UVSSA: variants seen among roughly 807,000 people sequenced by gnomAD.
UVSSA encodes the protein UV stimulated scaffold protein A.
A neutral mutation model predicts 73.9 loss-of-function variants in UVSSA; 72 were observed. That is an observed-to-expected ratio of 0.97 (90% CI 0.81 to 1.19). The LOEUF (loss-of-function observed/expected upper bound fraction) is 1.19, where lower values mean the gene tolerates loss of function less well. Among genes scored for constraint, UVSSA ranks in the 50% most tolerant of loss-of-function variants. UVSSA has a pLI of 0.00. For synonymous variants in UVSSA, 454 were observed against 391.3 expected, an observed-to-expected ratio of 1.16 and a Z score of -1.89; for missense variants, 1,150 against 965.0, an observed-to-expected ratio of 1.19 and a Z score of -2.54.
rs777483270 is a variant in UVSSA, at chr4:1,353,045, T to C, written c.566T>C (p.Ile189Thr). 4 of 1,610,288 alleles carry C rather than the reference T, an allele frequency of 2.5e-6. No individual in the cohort carries two copies. In the Admixed American group the frequency reaches 5.0e-5, roughly 20 times the overall value. Reference sequence around the variant, plus strand: ...CTTCCGGCAGAAATGTCTGGAGAAATTGAATCCTGCTTGACGGAGGTAGAG... The same window carrying C: ...CTTCCGGCAGAAATGTCTGGAGAAACTGAATCCTGCTTGACGGAGGTAGAG... ...EREMQEMSGE[I>T]ESCLTEVESC... The change falls in exon 5 of 14, where the codon ATT becomes ACT. Residue 189 changes from isoleucine to threonine, a missense_variant. Physicochemically the swap from Ile to Thr is moderately conservative, Grantham distance 89. Coordinates refer to ENST00000389851, the MANE Select transcript of UVSSA (RefSeq NM_020894.4).
At chr4:1,360,758 T>C (rs1716511467) in intron 7 of UVSSA, among the ~76,000 whole-genome samples, 1 of 152,216 alleles carries the variant, frequency 6.6e-6, no homozygotes, top group African/African-American at 2.4e-5. Context: ...CAGAGTTAGC[T>C]TTCTCCGCAG....
chr4:1,357,529 G>T (rs997544675), intron 7 of UVSSA, among the ~76,000 whole-genome samples: 1 of 152,248 alleles, frequency 6.6e-6, no homozygotes, highest in African/African-American at 2.4e-5. Context: ...CGGCCTGCTT[G>T]GGTGAGGATG....
intron 7 of UVSSA, among the ~76,000 whole-genome samples, chr4:1,363,795 G>A (rs1195819790): frequency 5.9e-5 from 9 of 152,264 alleles, no homozygotes. Flanking sequence ...TCACAGGTCA[G>A]CGGTGGAGAC....
chr4:1,367,457 A>T (rs1458456543), intron 8 of UVSSA, among the ~76,000 whole-genome samples: 1 of 152,208 alleles, frequency 6.6e-6, no homozygotes, highest in Non-Finnish European at 1.5e-5. Context: ...TCATGTGTGA[A>T]GATATGACCC....
chr4:1,348,329 C>G, intron 2 of UVSSA, 140 bp downstream of exon 2: 1 of 673,858 alleles, frequency 1.5e-6, no homozygotes, highest in Non-Finnish European at 2.6e-6. Context: ...CCCTGCAGTA[C>G]CCGGCTCTGA....
chr4:1,383,606 C>T (rs764760412), intron 12 of UVSSA, among the ~76,000 whole-genome samples, 160 bp from the exon 13 acceptor site: 52 of 152,350 alleles, frequency 3.4e-4, no homozygotes, highest in Non-Finnish European at 6.6e-4. Flanking sequence ...ACCCTAACCG[C>T]TGAGCATCCT....
chr4:1,363,473 G>T (rs975909513), intron 7 of UVSSA, among the ~76,000 whole-genome samples: 1 of 152,100 alleles, frequency 6.6e-6, no homozygotes, highest in African/African-American at 2.4e-5. Flanking sequence ...AATATTTTTT[G>T]AAAACGACGC....
intron 5 of UVSSA, among the ~76,000 whole-genome samples, chr4:1,354,284 G>A (rs1327984636): frequency 2.0e-5 from 3 of 151,736 alleles, no homozygotes; most frequent in Non-Finnish European, 4.4e-5. Context: ...CACAGCGGGG[G>A]AAGCCACGGC....
rs777636419 is a variant in UVSSA at position 1,385,850 on chromosome 4, TGCCTTGTTTCCCC to T, written c.2037-17_2037-5del. On this transcript the variant is annotated splice_region_variant and splice_polypyrimidine_tract_variant and intron_variant, in intron 13 of 13. Transcript: ENST00000389851. ...GGCGGAAGCCTCCCAGGTCACATCT[TGCCTTGTTTCCCC>T]ACAGGGCAGCTGTGCGGAGGGTAGT... 11 of 1,613,782 alleles carry T rather than the reference TGCCTTGTTTCCCC, an allele frequency of 6.8e-6. No homozygotes were observed. The highest frequency in any genetic ancestry group is 9.3e-6 in the Non-Finnish European group (11 of 1,179,932).
chr4:1,369,740 C>T (rs1403205508), intron 8 of UVSSA, among the ~76,000 whole-genome samples: 1 of 152,270 alleles, frequency 6.6e-6, no homozygotes, highest in African/African-American at 2.4e-5. Flanking sequence ...GATTCCCTCC[C>T]TCACTGTCTG....
chr4:1,376,394 G>A (rs1371446128), intron 10 of UVSSA, among the ~76,000 whole-genome samples: 6 of 152,324 alleles, frequency 3.9e-5, no homozygotes, highest in East Asian at 1.9e-4. Flanking sequence ...CTGCTGTGTC[G>A]GGGGCCATCC....
At chr4:1,362,361 G>A (rs565989248) in intron 7 of UVSSA, among the ~76,000 whole-genome samples, 1 of 152,186 alleles carries the variant, frequency 6.6e-6, no homozygotes, top group Non-Finnish European at 1.5e-5. Flanking sequence ...CCAATGCCCC[G>A]CAGGGGACTT....
Position 1,347,237 on chromosome 4 carries a change from G to C in UVSSA, c.-526G>C, listed in dbSNP as rs1159050109. On this transcript the variant is annotated 5_prime_UTR_variant, in exon 1 of 14. Coordinates refer to ENST00000389851, the MANE Select transcript of UVSSA (RefSeq NM_020894.4). ...CGAGCGGCCGCGTCAGCGGTAGGTG[G>C]GGCTGTGGTTACGCTGCCGGGCGGG... 6.6e-6 allele frequency: 1 copy of C among 152,334 alleles called. No individual in the cohort carries two copies. Among genetic ancestry groups the C allele is most frequent in the African/African-American group, 2.4e-5 (1 of 41,468 alleles). 9.4% of individuals were successfully genotyped at this position (152,334 alleles called of 1,614,324 possible). A position where few individuals can be genotyped will look rare whatever the true frequency, so the allele number is the denominator to read the frequency against.
At chr4:1,375,601 G>C in intron 9 of UVSSA, 93 bp downstream of exon 9, 1 of 1,514,972 alleles carries the variant, frequency 6.6e-7, no homozygotes, top group Non-Finnish European at 8.8e-7. Flanking sequence ...GCTGCTTAGT[G>C]CCTTTTCTGG....
upstream of UVSSA, among the ~76,000 whole-genome samples, chr4:1,346,654 T>G (rs1340746778): frequency 6.6e-6 from 1 of 151,944 alleles, no homozygotes; most frequent in African/African-American, 2.4e-5. Context: ...CAGGGCGCCC[T>G]GCGCGGGGCG....
Position 1,355,179 on chromosome 4 carries a change from A to G in UVSSA, c.1110A>G (p.Glu370=). Residue 370 remains glutamate, a synonymous_variant, in exon 7 of 14, where the codon GAA becomes GAG. Coordinates refer to ENST00000389851, the MANE Select transcript of UVSSA (RefSeq NM_020894.4). The stretch of plus-strand genomic sequence containing the variant: ...AGCGTGCCATTGACCTGAAGGCTGA[A>G]TTGGAGCTCGTACTGAGAAAATACA... ...CLKRAIDLKA[E]LELVLRKYKE... is the part of the protein sequence containing the mutation. 1.2e-6 allele frequency: 2 copies of G among 1,613,806 alleles called. No homozygotes were observed. The highest frequency in any genetic ancestry group is 8.5e-7 in the Non-Finnish European group (1 of 1,179,890).
chr4:1,369,133 G>A (rs1488184838), intron 8 of UVSSA, among the ~76,000 whole-genome samples: 8 of 151,246 alleles, frequency 5.3e-5, no homozygotes, highest in African/African-American at 1.5e-4. Flanking sequence ...CCGTTCTGCC[G>A]TTCTGCCGTC....
intron 8 of UVSSA, among the ~76,000 whole-genome samples, chr4:1,367,803 C>A (rs574148949): frequency 6.6e-6 from 1 of 152,322 alleles, no homozygotes; most frequent in Admixed American, 6.5e-5. Context: ...CCCCTTCCCC[C>A]ACCGAGACGC....
At chr4:1,362,506 C>T (rs1046688408) in intron 7 of UVSSA, among the ~76,000 whole-genome samples, 1 of 152,244 alleles carries the variant, frequency 6.6e-6, no homozygotes, top group African/African-American at 2.4e-5. Context: ...GCAGACTGCT[C>T]TTGAGAACCT....
Sources: allele counts gnomAD v4.1 joint callset (sites outside exome capture counted in the v4.1 genomes callset), GRCh38; gene constraint gnomAD v4.1.1; transcripts MANE v1.5; gene names NCBI Gene and HGNC (gene_info 2026-07-23, HGNC 2026-07-21).